The following FGF14 variants were observed in gnomAD, a reference collection of about 807,000 sequenced individuals.
The protein encoded by FGF14 is fibroblast growth factor homologous factor 4.
Under a neutral mutation model 25.5 loss-of-function variants are expected in FGF14, and 5 were observed. The observed-to-expected ratio is 0.20, with a 90% CI of 0.10 to 0.41. The LOEUF is 0.41. Ranked by LOEUF, FGF14 falls within the 10% of genes least tolerant of loss-of-function variation. FGF14 has a pLI of 1.00. For synonymous variants in FGF14, 138 were observed against 118.3 expected, an observed-to-expected ratio of 1.17 and a Z score of -1.08; for missense variants, 222 against 320.1, an observed-to-expected ratio of 0.69 and a Z score of 2.34.
intron 1 of FGF14, among the ~76,000 whole-genome samples, chr13:102,073,349 C>A (rs745476115): frequency 1.6e-4 from 25 of 152,222 alleles, no homozygotes; most frequent in Non-Finnish European, 1.9e-4. Context: ...CCTCCCCATG[C>A]ACGCCTATTC....
chr13:102,202,297 C>T (rs944803541), intron 1 of FGF14, among the ~76,000 whole-genome samples: 6 of 152,040 alleles, frequency 3.9e-5, no homozygotes, highest in African/African-American at 1.2e-4. Context: ...TTATCATGGT[C>T]GGGAAACAGT....
At chr13:101,821,086 G>C (rs6491649) in intron 3 of FGF14, among the ~76,000 whole-genome samples, 87,185 of 143,230 alleles carry the variant, frequency 0.61, 26,841 homozygotes, top group South Asian at 0.65. Flanking sequence ...GTAGCTGGGA[G>C]TACAGGCGCC....
chr13:101,985,913 C>A (rs1373780627), intron 1 of FGF14, among the ~76,000 whole-genome samples: 5 of 152,082 alleles, frequency 3.3e-5, no homozygotes, highest in African/African-American at 1.2e-4. Context: ...ACCCCTCCTA[C>A]CAAATCTGCA....
At chr13:101,990,472 T>C (rs969024691) in intron 1 of FGF14, among the ~76,000 whole-genome samples, 2 of 152,194 alleles carry the variant, frequency 1.3e-5, no homozygotes, top group Admixed American at 6.5e-5. Context: ...CACTTTTTTT[T>C]CTAATTAAAT....
chr13:102,000,260 A>AG (rs745980257), intron 1 of FGF14, among the ~76,000 whole-genome samples: 13 of 152,224 alleles, frequency 8.5e-5, no homozygotes, highest in Non-Finnish European at 1.8e-4. Flanking sequence ...CGGAGCTTGC[A>AG]GTGAGCTGAG....
chr13:101,807,554 A>C (rs1034368759), intron 3 of FGF14, among the ~76,000 whole-genome samples: 3 of 152,106 alleles, frequency 2.0e-5, no homozygotes, highest in African/African-American at 7.2e-5. Flanking sequence ...GCTCTTAATT[A>C]AAGCATCATT....
In FGF14 at chr13:101,894,023, C is replaced by CTT. The variant is rs60213924; in HGVS notation, c.194-18729_194-18728dup. Among the ~76,000 whole-genome samples, 669 of 143,952 alleles carry CTT rather than the reference C, an allele frequency of 4.6e-3. 7 individuals carry two copies. The highest frequency in any genetic ancestry group is 0.016 in the African/African-American group (621 of 39,696). 94.4% of individuals were successfully genotyped at this position (143,952 alleles called of 152,430 possible). ...AACAGCTCAACCCAACCTTTCCTGG[C>CTT]TTTTTTTTTTTTCACACTTTTTATC... On this transcript the variant is annotated intron_variant, in intron 1 of 4. Transcript: ENST00000376143.
intron 3 of FGF14, among the ~76,000 whole-genome samples, chr13:101,823,725 C>A (rs1422455980): frequency 6.6e-6 from 1 of 150,706 alleles, no homozygotes; most frequent in African/African-American, 2.4e-5. Flanking sequence ...GCGTGAGCCA[C>A]TGCACCCAGC....
At chr13:102,007,143 A>G (rs1038026655) in intron 1 of FGF14, among the ~76,000 whole-genome samples, 1 of 152,232 alleles carries the variant, frequency 6.6e-6, no homozygotes, top group Non-Finnish European at 1.5e-5. Flanking sequence ...ATAAAGTTTT[A>G]AACTGTAATC....
chr13:101,722,957 G>A lies in FGF14; in HGVS notation c.618C>T (p.Tyr206=). 6.2e-7 allele frequency: 1 copy of A among 1,613,262 alleles called. No individual in the cohort carries two copies. The highest frequency in any genetic ancestry group is 8.5e-7 in the Non-Finnish European group (1 of 1,179,456). The part of the protein sequence containing the change: ...FLPKPLEVAM[Y]REPSLHDVGE... ...CAACATCATGCAAAGATGGTTCTCG[G>A]TACATGGCAACTAGTGATGGGAAGA... The change falls in exon 5 of 5, where the codon TAC becomes TAT. Residue 206 remains tyrosine (Y), a synonymous_variant. Coordinates refer to ENST00000376143, the MANE Select transcript of FGF14 (RefSeq NM_004115.4).
In FGF14 at chr13:102,087,407, C is replaced by CTTTTTTTT. The variant is rs71125043; in HGVS notation, c.209-212119_209-212112dup. 3.7e-3 allele frequency among the ~76,000 whole-genome samples: 315 copies of CTTTTTTTT among 84,436 alleles called. 11 individuals carry two copies. Among genetic ancestry groups the CTTTTTTTT allele is most frequent in the Non-Finnish European group, 5.7e-3 (257 of 45,482 alleles). The allele number at this position is 84,436 out of a possible 152,430, so 55.4% of individuals were successfully genotyped here. On this transcript the variant is annotated intron_variant, in intron 1 of 4. Transcript: ENST00000376131. ...AATAGTAAAAAATAGACTGTAATTTCTTTTTTTTTTTTTTTTTTTTTTGAG... is the reference window on the plus strand; with the variant it reads ...AATAGTAAAAAATAGACTGTAATTTCTTTTTTTTTTTTTTTTTTTTTTTTTTTTTTGAG...
At chr13:101,748,441 A>G (rs1023534433) in intron 3 of FGF14, among the ~76,000 whole-genome samples, 4 of 151,920 alleles carry the variant, frequency 2.6e-5, no homozygotes, top group Non-Finnish European at 2.9e-5. Flanking sequence ...ATCTGTACAC[A>G]TGGACATACA....
intron 1 of FGF14, among the ~76,000 whole-genome samples, chr13:102,304,461 T>C (rs1023290965): frequency 9.9e-5 from 15 of 152,120 alleles, no homozygotes; most frequent in African/African-American, 3.6e-4. Context: ...ACTTTCAAAT[T>C]TTGCAGAATC....
chr13:101,892,458 A>T (rs1314845716), intron 1 of FGF14, among the ~76,000 whole-genome samples: 1 of 152,220 alleles, frequency 6.6e-6, no homozygotes, highest in Non-Finnish European at 1.5e-5. Context: ...AACAGCAGAG[A>T]GGAAATCCCT....
In FGF14 at chr13:101,866,029, G is replaced by A. The variant is rs117787774; in HGVS notation, c.408+2696C>T. Among the ~76,000 whole-genome samples the A allele has an allele frequency of 6.6e-3, 999 of 151,962 alleles. 6 individuals are homozygous for A. Among genetic ancestry groups the A allele is most frequent in the Admixed American group, 0.011 (165 of 15,232 alleles). On this transcript the variant is annotated intron_variant, in intron 3 of 4. Coordinates refer to ENST00000376143, the MANE Select transcript of FGF14 (RefSeq NM_004115.4). The stretch of plus-strand genomic sequence containing the variant: ...AAAACTTCTTAGTTGGGTTAACAAC[G>A]TTTGTCATGGCTTTTAAAACTTAAA...
At chr13:101,724,869 A>T (rs2035300092) in intron 4 of FGF14, among the ~76,000 whole-genome samples, 2 of 145,216 alleles carry the variant, frequency 1.4e-5, no homozygotes, top group Non-Finnish European at 1.5e-5. Context: ...TCTCTTTCTC[A>T]TATATATATA....
intron 1 of FGF14, among the ~76,000 whole-genome samples, chr13:102,309,304 C>T (rs1840878349): frequency 6.6e-6 from 1 of 152,168 alleles, no homozygotes; most frequent in Admixed American, 6.5e-5. Flanking sequence ...AACGCTACCA[C>T]GTTCTCCTAC....
chr13:101,858,037 G>C (rs1045698923), intron 3 of FGF14, among the ~76,000 whole-genome samples: 4 of 151,728 alleles, frequency 2.6e-5, no homozygotes, highest in Non-Finnish European at 4.4e-5. Flanking sequence ...ACATATTTTT[G>C]TGAATTTCTA....
intron 1 of FGF14, among the ~76,000 whole-genome samples, chr13:101,902,640 T>C (rs1157189336): frequency 2.0e-5 from 3 of 152,188 alleles, no homozygotes; most frequent in South Asian, 2.1e-4. Flanking sequence ...CGCCAGTAAG[T>C]GCAGAATAAC....
Sources: gnomAD v4.1 joint callset for allele counts (sites outside exome capture counted in the v4.1 genomes callset) on GRCh38, gnomAD v4.1.1 for gene constraint, MANE v1.5 for transcripts, NCBI Gene and HGNC (gene_info 2026-07-23, HGNC 2026-07-21) for gene names.